SH3GLB2: variants seen among roughly 807,000 people sequenced by gnomAD.
SH3GLB2 encodes the protein endophilin-B2.
A neutral mutation model predicts 48.0 loss-of-function variants in SH3GLB2; 24 were observed. The ratio of observed to expected loss-of-function variants is 0.50; its 90% CI spans 0.36 to 0.70. The LOEUF is 0.70. SH3GLB2 is among the 30% of genes least tolerant of loss of function. The pLI, the probability that SH3GLB2 is intolerant of heterozygous loss-of-function variation, is 0.00. For synonymous variants in SH3GLB2, 227 were observed against 207.6 expected, an observed-to-expected ratio of 1.09 and a Z score of -0.80; for missense variants, 425 against 516.0, an observed-to-expected ratio of 0.82 and a Z score of 1.71.
Position 129,022,268 on chromosome 9 carries a change from G to C in SH3GLB2, c.205+14C>G, listed in dbSNP as rs372967504. 6.2e-7 allele frequency: 1 copy of C among 1,611,938 alleles called. No individual in the cohort carries two copies. The highest frequency in any genetic ancestry group is 1.3e-5 in the African/African-American group (1 of 74,842). The stretch of plus-strand genomic sequence containing the variant: ...CGACTACATCCCTCCCCGGGCCCAC[G>C]AACACGCACTCACTGGGGTTGGGCT... On this transcript the variant is annotated intron_variant, in intron 2 of 10. Transcript: ENST00000372564.
In SH3GLB2 at chr9:129,014,029, G is replaced by A. The variant is rs900930146; in HGVS notation, c.561+382C>T. 2 of 478,796 alleles carry A rather than the reference G, an allele frequency of 4.2e-6. No homozygotes were observed. The highest frequency in any genetic ancestry group is 8.3e-6 in the Non-Finnish European group (2 of 242,188). The allele number at this position is 478,796 out of a possible 1,614,324, so 29.7% of individuals were successfully genotyped here. On this transcript the variant is annotated intron_variant, in intron 5 of 10. Transcript: ENST00000372564. The surrounding 1 kb of genome is among the most constrained non-coding windows in gnomAD (Gnocchi z 4.1). ...GGGGCGCCTGAGCACAGGGACCCTC[G>A]GCCTGACGTTCAAGCAGCAAGTAGT...
At chr9:129,016,951 C>CT (rs766780203) in intron 3 of SH3GLB2, among the ~76,000 whole-genome samples, 4,009 of 112,398 alleles carry the variant, frequency 0.036, 280 homozygotes, top group African/African-American at 0.11. Context: ...ATACTCTGCT[C>CT]TTTTTTTTTT....
At position 129,014,324 on chromosome 9, in the gene SH3GLB2, G is replaced by T; in HGVS notation, c.561+87C>A. 1.6e-6 allele frequency: 2 copies of T among 1,256,836 alleles called. No individual in the cohort carries two copies. The highest frequency in any genetic ancestry group is 2.2e-6 in the Non-Finnish European group (2 of 892,972). 77.9% of individuals were successfully genotyped at this position (1,256,836 alleles called of 1,614,324 possible). ...GCCAGGGAGAGGGGAGAGAGGTCAT[G>T]CCAAATACCAGGTCCCTTCATGCCA... On this transcript the variant is annotated intron_variant, in intron 5 of 10. Transcript: ENST00000372564. This position sits in a 1 kb window ranked among gnomAD's most constrained non-coding sequence, Gnocchi z 4.1.
intron 5 of SH3GLB2, chr9:129,012,917 C>G (rs1167956992): frequency 6.6e-7 from 1 of 1,509,884 alleles, no homozygotes; most frequent in Non-Finnish European, 9.0e-7. Context: ...TGCAAAATGC[C>G]CCAAGGACGT....
intron 3 of SH3GLB2, among the ~76,000 whole-genome samples, chr9:129,020,327 G>T (rs17455510): frequency 6.9e-6 from 1 of 144,396 alleles, no homozygotes. Context: ...CCAGCACTTT[G>T]GGAGGCTGAG....
Position 129,010,106 on chromosome 9 carries a change from G to A in SH3GLB2, c.738+14C>T, listed in dbSNP as rs1308584090. 3 of 1,609,338 alleles carry A rather than the reference G, an allele frequency of 1.9e-6. No homozygotes were observed. The highest frequency in any genetic ancestry group is 2.6e-6 in the Non-Finnish European group (3 of 1,175,816). On this transcript the variant is annotated intron_variant, in intron 8 of 10. Transcript: ENST00000372564. ...TGAGGGTTAGGTTTAGTGAGGGTGG[G>A]CAGTGGGACTCACGTGAGTGCTACT... is the stretch of plus-strand genomic sequence containing the variant.
rs373364708 is a variant in SH3GLB2, at chr9:129,017,714, C to T, written c.335-2810G>A. 2.8e-4 allele frequency among the ~76,000 whole-genome samples: 43 copies of T among 151,490 alleles called. 1 individual carries two copies. The East Asian group carries it at 7.5e-3, about 27-fold the overall frequency. ...AGGAGATCGACTATCCTGGCTAACA[C>T]GGTGAAATCCCGTCTCCACTGAAAA... On this transcript the variant is annotated intron_variant, in intron 3 of 10. Transcript: ENST00000372564.
At chr9:129,027,740 A>C (rs1395061950) in intron 1 of SH3GLB2, among the ~76,000 whole-genome samples, 2 of 152,216 alleles carry the variant, frequency 1.3e-5, no homozygotes, top group African/African-American at 4.8e-5. Context: ...AGGTCGCTAA[A>C]TGCCCCGCCA....
At chr9:129,012,435 C>G (rs1258394900) in intron 5 of SH3GLB2, 137 bp from the exon 6 acceptor site, 1 of 453,520 alleles carries the variant, frequency 2.2e-6, no homozygotes, top group South Asian at 9.9e-5. Flanking sequence ...ACAAACACAA[C>G]ACAAACCCCC....
chr9:129,026,845 T>C (rs1468607463), intron 1 of SH3GLB2, among the ~76,000 whole-genome samples: 1 of 152,180 alleles, frequency 6.6e-6, no homozygotes, highest in African/African-American at 2.4e-5. Context: ...CCACTAGGGC[T>C]GGGGCTGCCC....
At chr9:129,021,421 C>T (rs1175888355) in intron 2 of SH3GLB2, among the ~76,000 whole-genome samples, 2 of 152,190 alleles carry the variant, frequency 1.3e-5, no homozygotes, top group Non-Finnish European at 2.9e-5. Flanking sequence ...CCGTCCACTT[C>T]TCCCTTATTA....
intron 1 of SH3GLB2, among the ~76,000 whole-genome samples, chr9:129,025,142 G>A (rs1174023053): frequency 6.6e-6 from 1 of 151,662 alleles, no homozygotes; most frequent in Non-Finnish European, 1.5e-5. Flanking sequence ...ATGACGTGGT[G>A]GTGGGCGCCT....
intron 2 of SH3GLB2, among the ~76,000 whole-genome samples, chr9:129,021,574 T>C (rs1472482960): frequency 6.6e-6 from 1 of 151,684 alleles, no homozygotes; most frequent in Non-Finnish European, 1.5e-5. Flanking sequence ...TCCCCGGAAG[T>C]CCTGCAGGTC....
Position 129,022,428 on chromosome 9 carries a change from G to A in SH3GLB2, c.64-5C>T, listed in dbSNP as rs756230846. On this transcript the variant is annotated splice_polypyrimidine_tract_variant and splice_region_variant and intron_variant, in intron 1 of 10. Transcript: ENST00000372564. ...GCCAAATTTCTCCTCCGTGAACTAC[G>A]CAGAGGGGAAGGCCAAGGGGTGGGG... is the stretch of plus-strand genomic sequence containing the variant. The A allele has an allele frequency of 3.3e-5, 53 of 1,612,220 alleles. No homozygotes were observed. Among genetic ancestry groups the A allele is most frequent in the Admixed American group, 1.5e-4 (9 of 59,882 alleles).
chr9:129,022,974 G>C (rs1015430509), intron 1 of SH3GLB2, among the ~76,000 whole-genome samples: 3 of 152,184 alleles, frequency 2.0e-5, no homozygotes, highest in Non-Finnish European at 4.4e-5. Flanking sequence ...GTGTGACTTT[G>C]GGCAAGGGGC....
rs367707139 is a variant in SH3GLB2, at chr9:129,025,290, T to C, written c.63+2802A>G. 8.3e-5 allele frequency among the ~76,000 whole-genome samples: 12 copies of C among 144,198 alleles called. No homozygotes were observed. The East Asian group carries it at 1.4e-3, about 17-fold the overall frequency. The allele number at this position is 144,198 out of a possible 152,430, so 94.6% of individuals were successfully genotyped here. On this transcript the variant is annotated intron_variant, in intron 1 of 10. Coordinates refer to ENST00000372564, the MANE Select transcript of SH3GLB2 (RefSeq NM_020145.4). ...AAAAAAAAAAAAAAAAGGCCAGGCATGGTGGCTCATACCTGTAATATCAGC... is the reference window on the plus strand; with the variant it reads ...AAAAAAAAAAAAAAAAGGCCAGGCACGGTGGCTCATACCTGTAATATCAGC...
rs151226465 is a variant in SH3GLB2, at chr9:129,018,534, G to A, written c.334+2557C>T. ...GGAGGTTGCAGTGAGCCAAGATTGC[G>A]CCACTGCACTCCAGCCTAGGTGACA... On this transcript the variant is annotated intron_variant, in intron 3 of 10. Transcript: ENST00000372564. Among the ~76,000 whole-genome samples the A allele has an allele frequency of 3.7e-3, 557 of 149,384 alleles. 1 individual carries two copies. The highest frequency in any genetic ancestry group is 0.025 in the Middle Eastern group (7 of 284).
chr9:129,021,804 C>T (rs2131290616), intron 2 of SH3GLB2, among the ~76,000 whole-genome samples: 1 of 151,830 alleles, frequency 6.6e-6, no homozygotes, highest in Non-Finnish European at 1.5e-5. Flanking sequence ...ACTAAAAATA[C>T]AAAAATTAGC....
At chr9:129,027,040 G>GACA (rs1316470510) in intron 1 of SH3GLB2, among the ~76,000 whole-genome samples, 18 of 152,112 alleles carry the variant, frequency 1.2e-4, no homozygotes. Context: ...CGATGACAAC[G>GACA]ACAACGACAA....
Sources: gnomAD v4.1 joint callset for allele counts (sites outside exome capture counted in the v4.1 genomes callset) on GRCh38, gnomAD v4.1.1 for gene constraint, Gnocchi (gnomAD v3.1) non-coding constraint, MANE v1.5 for transcripts, NCBI Gene and HGNC (gene_info 2026-07-23, HGNC 2026-07-21) for gene names.